The following KIAA0825 variants were observed in gnomAD, a reference collection of about 807,000 sequenced individuals.
KIAA0825 encodes uncharacterized protein KIAA0825.
KIAA0825 carries 119 observed loss-of-function variants against 147.6 expected under a neutral mutation model. That is an observed-to-expected ratio of 0.81 (90% CI 0.69 to 0.94). KIAA0825 has a LOEUF of 0.94. Among genes scored for constraint, KIAA0825 ranks in the 40% least tolerant of loss-of-function variants. The probability of loss-of-function intolerance (pLI) is 0.00; values close to 1 mark genes in which losing one functional copy is unlikely to be tolerated. For missense variants in KIAA0825, 1,381 were observed against 1,472.7 expected (o/e 0.94, Z 1.02); for synonymous variants, 470 against 518.1 (o/e 0.91, Z 1.26).
chr5:94,259,912 G>A (rs1329785332), intron 20 of KIAA0825, among the ~76,000 whole-genome samples: 1 of 151,816 alleles, frequency 6.6e-6, no homozygotes, highest in Admixed American at 6.6e-5. Flanking sequence ...GGGCCATGTG[G>A]CTGAATATCC....
At chr5:94,473,545 A>C in intron 7 of KIAA0825, 26 bp from the exon 8 acceptor site, 1 of 1,388,750 alleles carries the variant, frequency 7.2e-7, no homozygotes, top group Non-Finnish European at 1.0e-6. Context: ...ATATGAAGTC[A>C]TGTTAATCTT....
At chr5:94,558,835 C>T (rs1434443932) in intron 2 of KIAA0825, among the ~76,000 whole-genome samples, 1 of 152,172 alleles carries the variant, frequency 6.6e-6, no homozygotes, top group Non-Finnish European at 1.5e-5. Context: ...AGTGCATTCC[C>T]TATACCGGGA....
intron 20 of KIAA0825, among the ~76,000 whole-genome samples, chr5:94,356,322 C>T (rs1412497526): frequency 2.0e-5 from 3 of 151,958 alleles, no homozygotes; most frequent in Non-Finnish European, 2.9e-5. Flanking sequence ...AAAACATGAA[C>T]TACAGCCGGG....
intron 20 of KIAA0825, among the ~76,000 whole-genome samples, chr5:94,382,631 G>T (rs1748572788): frequency 6.6e-6 from 1 of 152,082 alleles, no homozygotes; most frequent in African/African-American, 2.4e-5. Context: ...AAAAATTCAT[G>T]ACCCTTTTCC....
chr5:94,609,332 C>T (rs1193763849), intron 1 of KIAA0825, among the ~76,000 whole-genome samples: 2 of 152,242 alleles, frequency 1.3e-5, no homozygotes, highest in East Asian at 1.9e-4. Flanking sequence ...ACCACTCTTC[C>T]ACTAAAATTT....
chr5:94,484,945 G>A lies in KIAA0825; in HGVS notation c.971-15C>T, dbSNP rs1275815526. ...TTCAGTAGTAACTGTGAAAAGAAAA[G>A]ATCAATACTGTCATACATTTTATTT... On this transcript the variant is annotated splice_polypyrimidine_tract_variant and intron_variant, in intron 5 of 20. Coordinates refer to ENST00000682413, the MANE Select transcript of KIAA0825 (RefSeq NM_001145678.3). 2.8e-6 allele frequency: 4 copies of A among 1,449,082 alleles called. No homozygotes were observed. Among genetic ancestry groups the A allele is most frequent in the Non-Finnish European group, 2.8e-6 (3 of 1,081,874 alleles). The allele number at this position is 1,449,082 out of a possible 1,614,324, so 89.8% of individuals were successfully genotyped here.
intron 20 of KIAA0825, among the ~76,000 whole-genome samples, chr5:94,228,299 G>A (rs945058560): frequency 2.6e-4 from 40 of 152,048 alleles, no homozygotes; most frequent in African/African-American, 8.9e-4. Context: ...ACACCTCAAC[G>A]GCAACAAGTA....
chr5:94,605,299 G>A (rs1787294113), intron 1 of KIAA0825, among the ~76,000 whole-genome samples: 1 of 152,046 alleles, frequency 6.6e-6, no homozygotes, highest in Admixed American at 6.6e-5. Flanking sequence ...AAAAAGCCCA[G>A]AACCAGATGG....
intron 14 of KIAA0825, among the ~76,000 whole-genome samples, chr5:94,428,975 G>A (rs1755280143): frequency 6.6e-6 from 1 of 151,944 alleles, no homozygotes; most frequent in Non-Finnish European, 1.5e-5. Context: ...CTTCTAATTG[G>A]TCTAGTCTAT....
chr5:94,186,974 A>G (rs1770173012), intron 20 of KIAA0825, among the ~76,000 whole-genome samples: 1 of 152,320 alleles, frequency 6.6e-6, no homozygotes, highest in East Asian at 1.9e-4. Flanking sequence ...TTAAAAGCCT[A>G]TTGGGAATAG....
At chr5:94,545,980 A>G in intron 2 of KIAA0825, among the ~76,000 whole-genome samples, 1 of 152,140 alleles carries the variant, frequency 6.6e-6, no homozygotes, top group East Asian at 1.9e-4. Context: ...ATGGGAGTCC[A>G]CTATCCTGAA....
intron 5 of KIAA0825, among the ~76,000 whole-genome samples, chr5:94,491,745 C>T (rs1158331496): frequency 6.6e-6 from 1 of 152,208 alleles, no homozygotes; most frequent in Non-Finnish European, 1.5e-5. Flanking sequence ...GGAATATTTA[C>T]ACCTTAGTTT....
intron 20 of KIAA0825, among the ~76,000 whole-genome samples, chr5:94,370,851 A>C (rs1746597078): frequency 6.6e-6 from 1 of 152,162 alleles, no homozygotes; most frequent in African/African-American, 2.4e-5. Context: ...AGAGCTTTGC[A>C]GTGAGCTGAG....
chr5:94,460,451 G>A (rs910452583), intron 12 of KIAA0825, among the ~76,000 whole-genome samples: 11 of 152,040 alleles, frequency 7.2e-5, no homozygotes, highest in African/African-American at 1.9e-4. Context: ...AGGAAAACAC[G>A]TTCAGTTTAT....
At chr5:94,318,233 GTAGT>G (rs1340596797) in intron 20 of KIAA0825, among the ~76,000 whole-genome samples, 3 of 151,658 alleles carry the variant, frequency 2.0e-5, no homozygotes, top group Non-Finnish European at 4.4e-5. Flanking sequence ...AGACTCATTA[GTAGT>G]TAGTCTATTA....
chr5:94,390,409 G>C (rs111853137), intron 18 of KIAA0825, among the ~76,000 whole-genome samples: 4 of 152,316 alleles, frequency 2.6e-5, no homozygotes, highest in African/African-American at 9.6e-5. Context: ...AGGTCTTTCA[G>C]TTTGCCAGGG....
intron 14 of KIAA0825, among the ~76,000 whole-genome samples, chr5:94,418,910 C>G (rs1490479040): frequency 1.3e-5 from 2 of 152,114 alleles, no homozygotes; most frequent in African/African-American, 4.8e-5. Flanking sequence ...TAGGGTCTCA[C>G]TCTGTCTCCC....
intron 20 of KIAA0825, among the ~76,000 whole-genome samples, chr5:94,301,567 G>A (rs1778406021): frequency 6.6e-6 from 1 of 151,976 alleles, no homozygotes; most frequent in Admixed American, 6.6e-5. Flanking sequence ...CCCTGTATAT[G>A]AGTGCTTAAA....
intron 20 of KIAA0825, among the ~76,000 whole-genome samples, chr5:94,342,488 A>C (rs942436822): frequency 2.6e-5 from 4 of 152,198 alleles, no homozygotes; most frequent in Non-Finnish European, 4.4e-5. Context: ...CAGAGGATTC[A>C]ATTTTAAGGA....
Sources: gnomAD v4.1 joint callset for allele counts (sites outside exome capture counted in the v4.1 genomes callset) on GRCh38, gnomAD v4.1.1 for gene constraint, MANE v1.5 for transcripts, NCBI Gene and HGNC (gene_info 2026-07-23, HGNC 2026-07-21) for gene names.